EYS: variants seen among roughly 807,000 people sequenced by gnomAD.
The protein encoded by EYS is protein eyes shut homolog.
A neutral mutation model predicts 282.1 loss-of-function variants in EYS; 250 were observed. The observed-to-expected ratio is 0.89, with a 90% CI of 0.80 to 0.98. EYS has a LOEUF of 0.98. Among genes scored for constraint, EYS ranks in the 50% least tolerant of loss-of-function variants. The probability of loss-of-function intolerance (pLI) is 0.00; values close to 1 mark genes in which losing one functional copy is unlikely to be tolerated. For missense variants in EYS, 4,016 were observed against 3,709.0 expected (o/e 1.08, Z -2.15); for synonymous variants, 1,355 against 1,282.9 (o/e 1.06, Z -1.20).
chr6:64,865,108 G>T (rs1464678117), intron 19 of EYS, among the ~76,000 whole-genome samples: 1 of 152,018 alleles, frequency 6.6e-6, no homozygotes, highest in Non-Finnish European at 1.5e-5. Flanking sequence ...TTAGGATATT[G>T]GTTGCTTTAT....
intron 8 of EYS, among the ~76,000 whole-genome samples, chr6:65,368,596 T>A (rs1051476739): frequency 1.3e-5 from 2 of 151,764 alleles, no homozygotes; most frequent in African/African-American, 4.8e-5. Context: ...CTTACGTTAT[T>A]TGAAAAAATT....
intron 26 of EYS, among the ~76,000 whole-genome samples, chr6:64,453,297 C>T (rs1292949247): frequency 6.6e-6 from 1 of 152,130 alleles, no homozygotes; most frequent in Non-Finnish European, 1.5e-5. Context: ...CAAATCAAAA[C>T]CACAATGAGA....
intron 36 of EYS, among the ~76,000 whole-genome samples, chr6:63,829,639 G>T (rs1417694461): frequency 6.6e-6 from 1 of 152,194 alleles, no homozygotes; most frequent in Admixed American, 6.5e-5. Context: ...TCTGGGGGCA[G>T]GGCATAGCTG....
At chr6:65,230,457 AT>A in intron 12 of EYS, among the ~76,000 whole-genome samples, 1 of 152,014 alleles carries the variant, frequency 6.6e-6, no homozygotes, top group East Asian at 1.9e-4. Flanking sequence ...CCAGAAGATT[AT>A]TTTTATACAA....
intron 12 of EYS, among the ~76,000 whole-genome samples, chr6:65,274,720 A>G (rs1767996128): frequency 6.6e-6 from 1 of 152,170 alleles, no homozygotes; most frequent in Non-Finnish European, 1.5e-5. Flanking sequence ...AGACCAAGTG[A>G]GCAAGAAGTA....
chr6:64,608,259 G>A (rs745672837), intron 24 of EYS, among the ~76,000 whole-genome samples: 16 of 152,068 alleles, frequency 1.1e-4, no homozygotes, highest in Non-Finnish European at 1.8e-4. Flanking sequence ...GAGAACAGAA[G>A]TAGGTAATAT....
Position 63,949,896 on chromosome 6 carries a change from A to G in EYS, c.7055+34487T>C, listed in dbSNP as rs182653822. On this transcript the variant is annotated intron_variant, in intron 35 of 42. Transcript: ENST00000503581. ...AGCATTAAAAATCTGCTTTTTGGCC[A>G]GGCGCGGTGTCTCACGCCTGTAATC... Among the ~76,000 whole-genome samples the G allele has an allele frequency of 8.9e-4, 135 of 152,292 alleles. 1 individual carries two copies. The highest frequency in any genetic ancestry group is 3.2e-3 in the African/African-American group (131 of 41,566).
At chr6:64,790,540 A>C (rs1774158319) in intron 22 of EYS, among the ~76,000 whole-genome samples, 1 of 152,008 alleles carries the variant, frequency 6.6e-6, no homozygotes, top group South Asian at 2.1e-4. Flanking sequence ...AGTGACTGAA[A>C]AGAAATAAAT....
chr6:63,792,711 T>A (rs1461895173), intron 37 of EYS, among the ~76,000 whole-genome samples: 1 of 152,154 alleles, frequency 6.6e-6, no homozygotes, highest in Non-Finnish European at 1.5e-5. Context: ...AACTGTTTTT[T>A]TTTTCGTAAT....
chr6:64,997,599 A>C lies in EYS; in HGVS notation c.2242T>G (p.Cys748Gly). Reference sequence around the variant, plus strand: ...ATACTAACGAGATGCAGGTCTTTGCAGGTAGAATTGTGCTCACAGGCATTC... The same window carrying C: ...ATACTAACGAGATGCAGGTCTTTGCCGGTAGAATTGTGCTCACAGGCATTC... ...ILNACEHNST[C>G]KDLHLSYQCV... The change falls in exon 14 of 43, where the codon TGC (cysteine) becomes GGC (glycine). Residue 748 changes from cysteine (C) to glycine (G), a missense_variant. Coordinates refer to ENST00000503581, the MANE Select transcript of EYS (RefSeq NM_001142800.2). 1 of 1,551,204 alleles carries C rather than the reference A, an allele frequency of 6.4e-7. No individual in the cohort carries two copies. The highest frequency in any genetic ancestry group is 8.7e-7 in the Non-Finnish European group (1 of 1,146,522).
intron 31 of EYS, among the ~76,000 whole-genome samples, chr6:64,187,595 G>A (rs1764985164): frequency 6.6e-6 from 1 of 152,010 alleles, no homozygotes; most frequent in Non-Finnish European, 1.5e-5. Flanking sequence ...CAGTTTGGAG[G>A]AATGAAGAAT....
At chr6:64,290,622 A>G (rs1315450813) in intron 30 of EYS, among the ~76,000 whole-genome samples, 2 of 148,532 alleles carry the variant, frequency 1.3e-5, no homozygotes, top group Non-Finnish European at 3.0e-5. Context: ...ATCTTAGGAA[A>G]CCTCCATCCT....
intron 31 of EYS, among the ~76,000 whole-genome samples, chr6:64,132,268 G>T (rs756521428): frequency 6.6e-6 from 1 of 151,974 alleles, no homozygotes; most frequent in Non-Finnish European, 1.5e-5. Flanking sequence ...AATATACTGC[G>T]TTAAAATAAA....
chr6:64,740,067 T>C (rs765697407), intron 22 of EYS, among the ~76,000 whole-genome samples: 2 of 152,126 alleles, frequency 1.3e-5, no homozygotes, highest in Non-Finnish European at 2.9e-5. Context: ...TAAATGGTAA[T>C]TGCTAATAAA....
chr6:64,058,645 TTC>T (rs1437285401), intron 33 of EYS, among the ~76,000 whole-genome samples: 1 of 152,212 alleles, frequency 6.6e-6, no homozygotes, highest in Non-Finnish European at 1.5e-5. Flanking sequence ...TGCCAGAGTG[TTC>T]TCTGACCCCC....
intron 12 of EYS, among the ~76,000 whole-genome samples, chr6:65,287,787 G>GTTTAAATA (rs1768410591): frequency 6.6e-6 from 1 of 151,196 alleles, no homozygotes; most frequent in Admixed American, 6.6e-5. Context: ...ATGGGAAGAT[G>GTTTAAATA]TTTAAATATT....
At chr6:65,202,029 T>C (rs542764931) in intron 12 of EYS, among the ~76,000 whole-genome samples, 2 of 152,010 alleles carry the variant, frequency 1.3e-5, no homozygotes, top group East Asian at 3.9e-4. Flanking sequence ...TGAGAATAGC[T>C]TAAACCCAGG....
intron 5 of EYS, among the ~76,000 whole-genome samples, chr6:65,427,904 G>T (rs1055696190): frequency 6.6e-6 from 1 of 151,740 alleles, no homozygotes; most frequent in African/African-American, 2.4e-5. Flanking sequence ...ATGATATCAA[G>T]AACATGATAT....
At chr6:63,945,490 G>T (rs1765370209) in intron 35 of EYS, among the ~76,000 whole-genome samples, 1 of 152,214 alleles carries the variant, frequency 6.6e-6, no homozygotes, top group African/African-American at 2.4e-5. Context: ...AAAGATTAAA[G>T]GTTTAGGGAG....
Sources: allele counts gnomAD v4.1 joint callset (sites outside exome capture counted in the v4.1 genomes callset), GRCh38; gene constraint gnomAD v4.1.1; transcripts MANE v1.5; gene names NCBI Gene and HGNC (gene_info 2026-07-23, HGNC 2026-07-21).